The following SLC7A9 variants were observed in gnomAD, a reference collection of about 807,000 sequenced individuals.
SLC7A9 encodes the protein B(0,+)-type amino acid transporter 1.
Under a neutral mutation model 54.1 loss-of-function variants are expected in SLC7A9, and 38 were observed. The ratio of observed to expected loss-of-function variants is 0.70; its 90% CI spans 0.54 to 0.92. The LOEUF is 0.92. SLC7A9 is among the 40% of genes least tolerant of loss of function. The pLI is 0.00. For missense variants in SLC7A9, 537 were observed against 636.1 expected (o/e 0.84, Z 1.68); for synonymous variants, 264 against 258.9 (o/e 1.02, Z -0.19).
chr19:32,849,295 A>G (rs1968394140), intron 9 of SLC7A9, among the ~76,000 whole-genome samples: 1 of 152,204 alleles, frequency 6.6e-6, no homozygotes, highest in Non-Finnish European at 1.5e-5. Context: ...TAGCAAGACA[A>G]AGAAGAAAAG....
intron 9 of SLC7A9, among the ~76,000 whole-genome samples, chr19:32,846,673 G>T (rs1335641114): frequency 2.0e-5 from 3 of 152,188 alleles, no homozygotes; most frequent in Non-Finnish European, 2.9e-5. Context: ...GAGAGTTGTG[G>T]TTCTCCCAGC....
At chr19:32,860,105 A>T (rs750628037) in intron 7 of SLC7A9, 141 bp from the exon 8 acceptor site, 2 of 1,557,482 alleles carry the variant, frequency 1.3e-6, no homozygotes, top group Non-Finnish European at 8.7e-7. Flanking sequence ...TTCAAATGAG[A>T]ATGCTGCCTC....
Position 32,830,667 on chromosome 19 carries a change from G to A in SLC7A9, c.1417C>T (p.Leu473Phe). 1 of 1,613,984 alleles carries A rather than the reference G, an allele frequency of 6.2e-7. No individual in the cohort carries two copies. The highest frequency in any genetic ancestry group is 1.1e-5 in the South Asian group (1 of 91,074). Residue 473 changes from leucine (L) to phenylalanine (F), a missense_variant, in exon 13 of 13, where the codon CTT becomes TTT. Coordinates refer to ENST00000023064, the MANE Select transcript of SLC7A9 (RefSeq NM_014270.5). ...GGGACCACTTCCATTAGCATCTGAA[G>A]GTGCATGGTAATCGGCTCTGAAATA... ...QKISKPITMH[L>F]QMLMEVVPPE... is the part of the protein sequence containing the mutation.
At chr19:32,850,727 G>A (rs1968443456) in intron 9 of SLC7A9, among the ~76,000 whole-genome samples, 1 of 152,132 alleles carries the variant, frequency 6.6e-6, no homozygotes, top group Non-Finnish European at 1.5e-5. Flanking sequence ...TCAATCCTAA[G>A]CCAAAAGAAC....
At chr19:32,857,015 A>G (rs976484121) in intron 9 of SLC7A9, among the ~76,000 whole-genome samples, 3 of 151,986 alleles carry the variant, frequency 2.0e-5, no homozygotes, top group Non-Finnish European at 4.4e-5. Context: ...GCCAGGCATG[A>G]TGGCAGGTGC....
chr19:32,860,326 A>G, intron 7 of SLC7A9: 3 of 1,377,742 alleles, frequency 2.2e-6, no homozygotes, highest in South Asian at 1.5e-5. Flanking sequence ...GGAGGCCGAG[A>G]TGGGCGAATC....
At chr19:32,831,210 AAAGAAAG>A (rs1387759670) in intron 12 of SLC7A9, 2 of 159,608 alleles carry the variant, frequency 1.3e-5, no homozygotes, top group African/African-American at 4.8e-5. Flanking sequence ...AAAAAAAAAA[AAAGAAAG>A]AAAGAAATAG....
intron 11 of SLC7A9, among the ~76,000 whole-genome samples, chr19:32,840,757 C>T (rs148225021): frequency 8.4e-4 from 128 of 152,216 alleles, no homozygotes; most frequent in African/African-American, 3.0e-3. Flanking sequence ...CCACTGCAGC[C>T]CTGCTCCTCC....
At chr19:32,846,961 C>T (rs984572791) in intron 9 of SLC7A9, among the ~76,000 whole-genome samples, 4 of 152,214 alleles carry the variant, frequency 2.6e-5, no homozygotes, top group African/African-American at 9.7e-5. Context: ...TCCAGCAGAC[C>T]TGCAGCTGAG....
rs534529042 is a variant in SLC7A9, at chr19:32,844,143, G to T, written c.978-192C>A. On this transcript the variant is annotated intron_variant, in intron 9 of 12. Coordinates refer to ENST00000023064, the MANE Select transcript of SLC7A9 (RefSeq NM_014270.5). ...GGGTTTTGGCAGAGTGAGTGAGGAG[G>T]TTAAACGCACTGAGAGACTAGGTGT... 3.3e-5 allele frequency among the ~76,000 whole-genome samples: 5 copies of T among 152,250 alleles called. No homozygotes were observed. In the East Asian group the frequency reaches 9.7e-4, roughly 29 times the overall value.
At chr19:32,859,539 G>A (rs1215558047) in intron 8 of SLC7A9, among the ~76,000 whole-genome samples, 1 of 151,886 alleles carries the variant, frequency 6.6e-6, no homozygotes, top group Non-Finnish European at 1.5e-5. Context: ...ATTTAGGGTG[G>A]TGCAAAAGTA....
chr19:32,844,031 G>A lies in SLC7A9; in HGVS notation c.978-80C>T, dbSNP rs943264952. 8 of 1,080,782 alleles carry A rather than the reference G, an allele frequency of 7.4e-6. No homozygotes were observed. In the African/African-American group the frequency reaches 9.3e-5, roughly 13 times the overall value. The allele number at this position is 1,080,782 out of a possible 1,614,324, so 66.9% of individuals were successfully genotyped here. A position where few individuals can be genotyped will look rare whatever the true frequency, so the allele number is the denominator to read the frequency against. On this transcript the variant is annotated intron_variant, in intron 9 of 12. Transcript: ENST00000023064. Reference sequence around the variant, plus strand: ...GGCCACTGAGGACTTGTGCTCCGGGGTCCACCAAGGAGCCCTCGGGAGGCT... The same window carrying A: ...GGCCACTGAGGACTTGTGCTCCGGGATCCACCAAGGAGCCCTCGGGAGGCT...
intron 12 of SLC7A9, among the ~76,000 whole-genome samples, chr19:32,831,136 C>T (rs1023471418): frequency 4.7e-5 from 7 of 149,356 alleles, no homozygotes; most frequent in Admixed American, 2.0e-4. Flanking sequence ...AGGCGGATCA[C>T]GAGGTCAGGA....
At position 32,864,665 on chromosome 19, in the gene SLC7A9, T is replaced by G. The variant is rs768543943; in HGVS notation, c.199A>C (p.Ile67Leu). 5 of 1,613,964 alleles carry G rather than the reference T, an allele frequency of 3.1e-6. No individual in the cohort carries two copies. The highest frequency in any genetic ancestry group is 1.1e-5 in the South Asian group (1 of 91,086). The change falls in exon 3 of 13, where the codon ATC becomes CTC. Residue 67 changes from isoleucine to leucine, a missense_variant. Transcript: ENST00000023064. The stretch of plus-strand genomic sequence containing the variant: ...AGGACCCCGCAAGCCGCCCATATGA[T>G]GAGGCAGGGCCCCACAGCTTCCGTG... ...SNTEAVGPCL[I>L]IWAACGVLAT...
At chr19:32,855,873 A>G (rs1968613595) in intron 9 of SLC7A9, among the ~76,000 whole-genome samples, 1 of 152,164 alleles carries the variant, frequency 6.6e-6, no homozygotes, top group African/African-American at 2.4e-5. Flanking sequence ...GCACCCTTGC[A>G]ATGTATTTTC....
chr19:32,832,665 A>G (rs1194816564), intron 12 of SLC7A9: 3 of 175,898 alleles, frequency 1.7e-5, no homozygotes, highest in African/African-American at 7.2e-5. Flanking sequence ...TAGTCCCAGC[A>G]CTTTGGAGAG....
chr19:32,847,816 G>C (rs962891529), intron 9 of SLC7A9, among the ~76,000 whole-genome samples: 2 of 152,134 alleles, frequency 1.3e-5, no homozygotes, highest in East Asian at 1.9e-4. Flanking sequence ...AAGGGAAGCC[G>C]GTCAGACTAA....
Position 32,843,936 on chromosome 19 carries a change from C to T in SLC7A9, c.993G>A (p.Ala331=), listed in dbSNP as rs762899514. The T allele has an allele frequency of 1.2e-5, 20 of 1,613,386 alleles. No homozygotes were observed. The highest frequency in any genetic ancestry group is 6.7e-5 in the African/African-American group (5 of 74,892). ...CFTAGRLIYV[A]GREGHMLKVL... Reference sequence around the variant, plus strand: ...CTTTGAGCATGTGACCCTCCCGGCCCGCCACGTAAATGAGTCTGGAAAATA... The same window carrying T: ...CTTTGAGCATGTGACCCTCCCGGCCTGCCACGTAAATGAGTCTGGAAAATA... The change falls in exon 10 of 13, where the codon GCG becomes GCA. Residue 331 remains alanine, a synonymous_variant. Transcript: ENST00000023064.
chr19:32,833,522 G>T (rs186968965), intron 11 of SLC7A9, among the ~76,000 whole-genome samples, 199 bp from the exon 12 acceptor site: 80 of 152,136 alleles, frequency 5.3e-4, no homozygotes, highest in Non-Finnish European at 6.6e-4. Context: ...TTTTGGCCGG[G>T]CATGGGTGCT....
Sources: gnomAD v4.1 joint callset for allele counts (sites outside exome capture counted in the v4.1 genomes callset) on GRCh38, gnomAD v4.1.1 for gene constraint, MANE v1.5 for transcripts, NCBI Gene and HGNC (gene_info 2026-07-23, HGNC 2026-07-21) for gene names.